SLC9A8: variants seen among roughly 807,000 people sequenced by gnomAD.
The protein encoded by SLC9A8 is sodium/hydrogen exchanger 8.
Under a neutral mutation model 66.6 loss-of-function variants are expected in SLC9A8, and 48 were observed. The observed-to-expected ratio is 0.72, with a 90% CI of 0.57 to 0.92. The LOEUF (loss-of-function observed/expected upper bound fraction) is 0.92, where lower values mean the gene tolerates loss of function less well. Among genes scored for constraint, SLC9A8 ranks in the 40% least tolerant of loss-of-function variants. The probability of loss-of-function intolerance (pLI) is 0.00; values close to 1 mark genes in which losing one functional copy is unlikely to be tolerated. For synonymous variants in SLC9A8, 274 were observed against 282.6 expected, an observed-to-expected ratio of 0.97 and a Z score of 0.31; for missense variants, 599 against 747.3, an observed-to-expected ratio of 0.80 and a Z score of 2.31.
chr20:49,838,407 T>C (rs2087629406), intron 3 of SLC9A8, among the ~76,000 whole-genome samples: 1 of 152,250 alleles, frequency 6.6e-6, no homozygotes, highest in African/African-American at 2.4e-5. Flanking sequence ...CAAGGGAATG[T>C]GTATTCATTG....
intron 10 of SLC9A8, among the ~76,000 whole-genome samples, chr20:49,871,691 T>C (rs998263483): frequency 6.6e-6 from 1 of 152,156 alleles, no homozygotes; most frequent in Admixed American, 6.5e-5. Context: ...CCCTCTTTCC[T>C]TTCGCCTAGA....
intron 5 of SLC9A8, among the ~76,000 whole-genome samples, chr20:49,847,907 GT>G (rs3091810): frequency 3.5e-5 from 4 of 115,214 alleles, no homozygotes; most frequent in Admixed American, 1.0e-4. Flanking sequence ...TGATTAATCT[GT>G]TTTTTTTTTT....
At chr20:49,857,253 T>G (rs1051158994) in intron 8 of SLC9A8, among the ~76,000 whole-genome samples, 1 of 152,254 alleles carries the variant, frequency 6.6e-6, no homozygotes, top group African/African-American at 2.4e-5. Flanking sequence ...TTCTGTTAGA[T>G]AATAGAATTT....
chr20:49,815,986 A>G (rs2086534578), intron 2 of SLC9A8, among the ~76,000 whole-genome samples: 1 of 152,082 alleles, frequency 6.6e-6, no homozygotes. Flanking sequence ...AAGAGCAGAA[A>G]CCCTTGCCCC....
At chr20:49,882,379 G>A (rs1440113193) in intron 13 of SLC9A8, among the ~76,000 whole-genome samples, 3 of 152,144 alleles carry the variant, frequency 2.0e-5, no homozygotes, top group Non-Finnish European at 4.4e-5. Context: ...ACCTTCTGGC[G>A]AGGACCACTT....
intron 3 of SLC9A8, among the ~76,000 whole-genome samples, chr20:49,835,166 A>G (rs2087478269): frequency 6.7e-6 from 1 of 148,668 alleles, no homozygotes; most frequent in Non-Finnish European, 1.5e-5. Context: ...TAGTCTCTGG[A>G]TCTGCCCTAG....
At chr20:49,866,768 G>T (rs190244390) in intron 10 of SLC9A8, among the ~76,000 whole-genome samples, 2 of 152,192 alleles carry the variant, frequency 1.3e-5, no homozygotes, top group African/African-American at 4.8e-5. Context: ...GAGGTAGCAT[G>T]CTATTGGCCC....
At chr20:49,817,327 C>G (rs6012751) in intron 2 of SLC9A8, among the ~76,000 whole-genome samples, 1 of 151,120 alleles carries the variant, frequency 6.6e-6, no homozygotes, top group East Asian at 2.0e-4. Flanking sequence ...CCCACCCCCC[C>G]AAAAAAACAA....
At position 49,834,751 on chromosome 20, in the gene SLC9A8, T is replaced by A. The variant is rs767897282; in HGVS notation, c.290-4790T>A. Among the ~76,000 whole-genome samples the A allele has an allele frequency of 7.7e-4, 117 of 152,232 alleles. 1 individual carries two copies. The highest frequency in any genetic ancestry group is 1.5e-3 in the South Asian group (7 of 4,822). On this transcript the variant is annotated intron_variant, in intron 3 of 15. Transcript: ENST00000361573. ...ACGCAGGCTTGGGCAATAGAATAAT[T>A]ACTGATTTTCAAATGTAACTGCTTC... is the stretch of plus-strand genomic sequence containing the variant.
At chr20:49,875,702 G>C (rs1455870137) in intron 11 of SLC9A8, among the ~76,000 whole-genome samples, 1 of 151,788 alleles carries the variant, frequency 6.6e-6, no homozygotes, top group Non-Finnish European at 1.5e-5. Context: ...TGCCCTAGCT[G>C]TCATCAAAAT....
At chr20:49,816,484 G>A (rs1365825667) in intron 2 of SLC9A8, among the ~76,000 whole-genome samples, 1 of 152,008 alleles carries the variant, frequency 6.6e-6, no homozygotes, top group South Asian at 2.1e-4. Context: ...AGTGTGTGAG[G>A]AAATTTCAGC....
chr20:49,884,870 G>A (rs1285838987), intron 14 of SLC9A8, among the ~76,000 whole-genome samples: 1 of 152,252 alleles, frequency 6.6e-6, no homozygotes, highest in East Asian at 1.9e-4. Context: ...GACCGAAGCA[G>A]AGGCTGCTGT....
chr20:49,885,242 C>T (rs2089847183), intron 14 of SLC9A8, among the ~76,000 whole-genome samples: 1 of 152,186 alleles, frequency 6.6e-6, no homozygotes, highest in Admixed American at 6.5e-5. Flanking sequence ...GTATCAGAAT[C>T]GGTGGGGGGC....
intron 10 of SLC9A8, among the ~76,000 whole-genome samples, chr20:49,871,441 C>T (rs1229220032): frequency 6.6e-6 from 1 of 152,176 alleles, no homozygotes; most frequent in Non-Finnish European, 1.5e-5. Flanking sequence ...CTTTCTTAAA[C>T]GATTTTGCCT....
chr20:49,848,011 G>A (rs1184151494), intron 5 of SLC9A8, among the ~76,000 whole-genome samples: 5 of 140,178 alleles, frequency 3.6e-5, no homozygotes, highest in East Asian at 4.2e-4. Flanking sequence ...CTGCAACCTC[G>A]GCCCCCTGGG....
At chr20:49,844,634 A>AAAT (rs1271521225) in intron 4 of SLC9A8, among the ~76,000 whole-genome samples, 1 of 49,326 alleles carries the variant, frequency 2.0e-5, no homozygotes, top group Non-Finnish European at 4.3e-5. Context: ...AAAAAAAAAA[A>AAAT]AAAAAAAAAA....
At chr20:49,883,767 G>A (rs750364653) in intron 13 of SLC9A8, 79 bp from the exon 14 acceptor site, 9 of 1,183,218 alleles carry the variant, frequency 7.6e-6, no homozygotes, top group African/African-American at 3.0e-5. Flanking sequence ...GTGCTGGGCC[G>A]GCTGGATTTC....
chr20:49,859,802 C>G (rs2088661236), intron 8 of SLC9A8, among the ~76,000 whole-genome samples: 1 of 152,162 alleles, frequency 6.6e-6, no homozygotes, highest in Admixed American at 6.5e-5. Flanking sequence ...TTTTCTCCAG[C>G]TACAGCTTAA....
chr20:49,822,758 G>T (rs2086786616), intron 2 of SLC9A8, among the ~76,000 whole-genome samples: 2 of 152,184 alleles, frequency 1.3e-5, no homozygotes, highest in Non-Finnish European at 2.9e-5. Flanking sequence ...CTGCACTCTA[G>T]CCTGGATGAC....
Sources: allele counts gnomAD v4.1 joint callset (sites outside exome capture counted in the v4.1 genomes callset), GRCh38; gene constraint gnomAD v4.1.1; transcripts MANE v1.5; gene names NCBI Gene and HGNC (gene_info 2026-07-23, HGNC 2026-07-21).